The following XKR6 variants were observed in gnomAD, a reference collection of about 807,000 sequenced individuals.
XKR6 encodes the protein XK related 6, also known as XK-related protein 6.
A neutral mutation model predicts 56.7 loss-of-function variants in XKR6; 22 were observed. The observed-to-expected ratio is 0.39, with a 90% CI of 0.28 to 0.55. The LOEUF (loss-of-function observed/expected upper bound fraction) is 0.55, where lower values mean the gene tolerates loss of function less well. Ranked by LOEUF, XKR6 falls within the 20% of genes least tolerant of loss-of-function variation. XKR6 has a pLI of 0.66. For synonymous variants in XKR6, 524 were observed against 387.8 expected, an observed-to-expected ratio of 1.35 and a Z score of -4.13; for missense variants, 852 against 889.0, an observed-to-expected ratio of 0.96 and a Z score of 0.53.
intron 1 of XKR6, among the ~76,000 whole-genome samples, chr8:11,063,334 T>A (rs1463348822): frequency 6.8e-6 from 1 of 148,086 alleles, no homozygotes; most frequent in Non-Finnish European, 1.5e-5. Context: ...AAAAAAAAAA[T>A]CCCACAAAAC....
Position 10,924,768 on chromosome 8 carries a change from A to T in XKR6, c.827T>A (p.Phe276Tyr). 1 of 1,614,062 alleles carries T rather than the reference A, an allele frequency of 6.2e-7. No individual in the cohort carries two copies. The highest frequency in any genetic ancestry group is 8.5e-7 in the Non-Finnish European group (1 of 1,180,002). ...ATATTCATACATCATAGCCCAGTAG[A>T]AGCGTCGCTGGTGTTCCTTCCGCCG... ...SQRRKEHQRR[F>Y]YWAMMYEYAD... Residue 276 changes from phenylalanine to tyrosine, a missense_variant, in exon 2 of 3, where the codon TTC becomes TAC. This residue lies in a region of XKR6 where 199 missense variants were observed against 280.4 expected (regional missense o/e 0.71). Coordinates refer to ENST00000416569, the MANE Select transcript of XKR6 (RefSeq NM_173683.4).
At chr8:10,940,565 C>A (rs1417834473) in intron 1 of XKR6, among the ~76,000 whole-genome samples, 6 of 152,200 alleles carry the variant, frequency 3.9e-5, no homozygotes, top group African/African-American at 9.7e-5. Context: ...CCTTTTTGAT[C>A]TCTTTGTCGG....
chr8:11,014,053 T>A (rs899130242), intron 1 of XKR6, among the ~76,000 whole-genome samples: 7 of 152,242 alleles, frequency 4.6e-5, no homozygotes, highest in African/African-American at 7.2e-5. Flanking sequence ...TGTTAGGCTC[T>A]CTAGATCCAT....
At chr8:11,085,768 G>C (rs1797865309) in intron 1 of XKR6, among the ~76,000 whole-genome samples, 2 of 152,160 alleles carry the variant, frequency 1.3e-5, no homozygotes. Context: ...GACAGCAACG[G>C]TCTGGTTCCA....
intron 1 of XKR6, among the ~76,000 whole-genome samples, chr8:11,191,679 T>C (rs1803585007): frequency 7.6e-6 from 1 of 132,080 alleles, no homozygotes. Context: ...GACAGGACAC[T>C]GGAAAAAAGT....
intron 1 of XKR6, among the ~76,000 whole-genome samples, chr8:11,004,395 C>A (rs529215699): frequency 1.3e-5 from 2 of 152,212 alleles, no homozygotes; most frequent in South Asian, 4.1e-4. Flanking sequence ...TCACTTGAAC[C>A]CAGGAGGCGG....
intron 1 of XKR6, among the ~76,000 whole-genome samples, chr8:11,115,132 T>G (rs1344094602): frequency 6.6e-6 from 1 of 152,238 alleles, no homozygotes; most frequent in Non-Finnish European, 1.5e-5. Flanking sequence ...AGAATGAGGC[T>G]GCAGGATTTG....
chr8:11,056,976 G>A (rs1186513588), intron 1 of XKR6, among the ~76,000 whole-genome samples: 1 of 152,148 alleles, frequency 6.6e-6, no homozygotes. Flanking sequence ...CCACGTTGGT[G>A]CCCACCAGCC....
At position 10,897,824 on chromosome 8, in the gene XKR6, G is replaced by T; in HGVS notation, c.*128C>A. On this transcript the variant is annotated 3_prime_UTR_variant, in exon 3 of 3. Coordinates refer to ENST00000416569, the MANE Select transcript of XKR6 (RefSeq NM_173683.4). Reference sequence around the variant, plus strand: ...CTTTTTTTTTTGTAGTGGTGGTGTTGGTGTGGCGGTGTTGGTGGTGGTGGC... The same window carrying T: ...CTTTTTTTTTTGTAGTGGTGGTGTTTGTGTGGCGGTGTTGGTGGTGGTGGC... The T allele has an allele frequency of 8.7e-7, 1 of 1,150,522 alleles. No homozygotes were observed. The highest frequency in any genetic ancestry group is 1.5e-5 in the African/African-American group (1 of 65,248). 71.3% of individuals were successfully genotyped at this position (1,150,522 alleles called of 1,614,324 possible).
chr8:11,032,844 T>A (rs1362898646), intron 1 of XKR6, among the ~76,000 whole-genome samples: 1 of 152,184 alleles, frequency 6.6e-6, no homozygotes, highest in Non-Finnish European at 1.5e-5. Context: ...GTGTTGACAC[T>A]GGCCCTCCCC....
At chr8:11,091,299 G>A (rs1355344233) in intron 1 of XKR6, among the ~76,000 whole-genome samples, 1 of 152,010 alleles carries the variant, frequency 6.6e-6, no homozygotes, top group African/African-American at 2.4e-5. Flanking sequence ...TTAGCCAGGT[G>A]TGGTGGTGCA....
chr8:10,905,359 C>T (rs1427959206), intron 2 of XKR6, among the ~76,000 whole-genome samples: 1 of 151,202 alleles, frequency 6.6e-6, no homozygotes, highest in Non-Finnish European at 1.5e-5. Context: ...CTCTGTCCTT[C>T]TTCACACCCC....
chr8:10,923,110 C>A (rs1219688152), intron 2 of XKR6, among the ~76,000 whole-genome samples: 1 of 152,256 alleles, frequency 6.6e-6, no homozygotes, highest in Non-Finnish European at 1.5e-5. Context: ...CCATACCCCT[C>A]CTGCTTCTGT....
intron 1 of XKR6, among the ~76,000 whole-genome samples, chr8:11,095,448 A>T (rs547713674): frequency 6.6e-6 from 1 of 152,356 alleles, no homozygotes; most frequent in East Asian, 1.9e-4. Flanking sequence ...ATCACATGCC[A>T]GTCAAATAGG....
intron 1 of XKR6, among the ~76,000 whole-genome samples, chr8:11,192,211 T>G (rs528539394): frequency 1.3e-5 from 2 of 151,946 alleles, no homozygotes; most frequent in African/African-American, 4.8e-5. Flanking sequence ...GAGGCTGCAG[T>G]GCAGTGGCAC....
At chr8:10,963,792 C>T (rs549839804) in intron 1 of XKR6, among the ~76,000 whole-genome samples, 8 of 152,300 alleles carry the variant, frequency 5.3e-5, no homozygotes, top group African/African-American at 7.2e-5. Context: ...AATCCTCCCA[C>T]CTCAGCCTCC....
Position 11,201,225 on chromosome 8 carries a change from A to C in XKR6, c.115T>G (p.Cys39Gly), listed in dbSNP as rs893277866. 8.2e-5 allele frequency: 127 copies of C among 1,543,080 alleles called. No homozygotes were observed. Among genetic ancestry groups the C allele is most frequent in the African/African-American group, 1.5e-4 (11 of 72,560 alleles). Residue 39 changes from cysteine to glycine, a missense_variant, in exon 1 of 3, where the codon TGC (cysteine) becomes GGC (glycine). This residue lies in a region of XKR6 where 417 missense variants were observed against 355.2 expected (regional missense o/e 1.17). Coordinates refer to ENST00000416569, the MANE Select transcript of XKR6 (RefSeq NM_173683.4). ...TCGCTGCCGTCGCCGCCGCCGCCGC[A>C]GCCGCCTCCCCCGGGCTCCCCGTCC... Reference protein sequence around the residue: ...EEDGEPGGGGCGGGGDGSEPG... With the variant: ...EEDGEPGGGGGGGGGDGSEPG...
At chr8:10,916,102 G>T (rs913864333) in intron 2 of XKR6, among the ~76,000 whole-genome samples, 1 of 152,236 alleles carries the variant, frequency 6.6e-6, no homozygotes, top group Non-Finnish European at 1.5e-5. Flanking sequence ...AGAAGGAGGG[G>T]CTCTGCTCAA....
chr8:10,946,092 A>G (rs1334766278), intron 1 of XKR6, among the ~76,000 whole-genome samples: 1 of 151,602 alleles, frequency 6.6e-6, no homozygotes, highest in Non-Finnish European at 1.5e-5. Context: ...CTTTGACCTC[A>G]CTCAAATTAG....
Sources: gnomAD v4.1 joint callset for allele counts (sites outside exome capture counted in the v4.1 genomes callset) on GRCh38, gnomAD v4.1.1 for gene constraint, gnomAD v4.1.1 regional missense constraint, MANE v1.5 for transcripts, NCBI Gene and HGNC (gene_info 2026-07-23, HGNC 2026-07-21) for gene names.